XKR9: variants seen among roughly 807,000 people sequenced by gnomAD.
XKR9 encodes XK-related protein 9.
Under a neutral mutation model 32.0 loss-of-function variants are expected in XKR9, and 32 were observed. The ratio of observed to expected loss-of-function variants is 1.00; its 90% CI spans 0.76 to 1.34. XKR9 has a LOEUF of 1.34. Among genes scored for constraint, XKR9 ranks in the 40% most tolerant of loss-of-function variants. The pLI, the probability that XKR9 is intolerant of heterozygous loss-of-function variation, is 0.00. For synonymous variants in XKR9, 168 were observed against 143.4 expected (o/e 1.17, Z -1.22); for missense variants, 546 against 429.7 (o/e 1.27, Z -2.39).
chr8:70,936,024 A>G, the XKR9 span, among the ~76,000 whole-genome samples: 621 of 152,156 alleles, frequency 4.1e-3, 4 homozygotes, highest in African/African-American at 0.014. Context: ...TCTTTAGAAT[A>G]AGTTATGGGG....
At chr8:70,750,849 C>G (rs1406735532) in intron 2 of XKR9, among the ~76,000 whole-genome samples, 1 of 152,114 alleles carries the variant, frequency 6.6e-6, no homozygotes, top group African/African-American at 2.4e-5. Flanking sequence ...CCATGATGCC[C>G]AGGTAAGTGG....
chr8:70,987,430 G>T, the XKR9 span, among the ~76,000 whole-genome samples: 1,510 of 152,280 alleles, frequency 9.9e-3, 5 homozygotes, highest in Non-Finnish European at 0.016. Flanking sequence ...CAAAACAAAG[G>T]GGCTATAGAG....
the XKR9 span, among the ~76,000 whole-genome samples, chr8:71,059,668 C>T: frequency 9.2e-5 from 14 of 152,096 alleles, no homozygotes; most frequent in African/African-American, 1.9e-4. Context: ...TGTGAAGGAC[C>T]GGCTCTCTCT....
At chr8:70,854,871 A>C in the XKR9 span, among the ~76,000 whole-genome samples, 97 of 152,190 alleles carry the variant, frequency 6.4e-4, no homozygotes, top group African/African-American at 2.3e-3. Context: ...GTTCTGCTCC[A>C]TTGGTTTATA....
chr8:70,790,687 A>G (rs1322023787), downstream of XKR9, among the ~76,000 whole-genome samples: 2 of 152,092 alleles, frequency 1.3e-5, no homozygotes, highest in East Asian at 1.9e-4. Context: ...AGAGTCCCCA[A>G]AATAACCTCT....
At chr8:70,701,630 A>T (rs1197009863) in intron 3 of XKR9, among the ~76,000 whole-genome samples, 1 of 152,204 alleles carries the variant, frequency 6.6e-6, no homozygotes, top group Non-Finnish European at 1.5e-5. Flanking sequence ...GGGCCAAATT[A>T]TCCAAAGGTT....
the XKR9 span, among the ~76,000 whole-genome samples, chr8:70,807,825 C>T: frequency 6.6e-6 from 1 of 152,288 alleles, no homozygotes; most frequent in African/African-American, 2.4e-5. Flanking sequence ...GAGAATTTAA[C>T]ACCCCACTGT....
downstream of XKR9, among the ~76,000 whole-genome samples, chr8:70,737,513 G>C (rs1458690107): frequency 3.1e-5 from 4 of 127,482 alleles, no homozygotes; most frequent in Non-Finnish European, 7.0e-5. Context: ...ATGTTGAATA[G>C]GAGTGGTGAG....
At chr8:70,938,336 G>A in the XKR9 span, among the ~76,000 whole-genome samples, 1 of 151,844 alleles carries the variant, frequency 6.6e-6, no homozygotes, top group East Asian at 1.9e-4. Context: ...TCCTGCTTGG[G>A]AACAGTGAGA....
Position 70,706,940 on chromosome 8 carries a change from T to C in XKR9, c.280T>C (p.Phe94Leu). The C allele has an allele frequency of 6.2e-7, 1 of 1,611,138 alleles. No homozygotes were observed. Among genetic ancestry groups the C allele is most frequent in the Non-Finnish European group, 8.5e-7 (1 of 1,178,084 alleles). ...LQGGVFTRYW[F>L]ALKRGYHAAF... The stretch of plus-strand genomic sequence containing the variant: ...TTTATGTTTACTTTATAGGTATTGG[T>C]TTGCCTTAAAAAGGGGTTACCATGC... Residue 94 changes from phenylalanine (F) to leucine (L), a missense_variant, in exon 4 of 5, where the codon TTT becomes CTT. Physicochemically the swap from Phe to Leu is conservative, Grantham distance 22. Coordinates refer to ENST00000408926, the MANE Select transcript of XKR9 (RefSeq NM_001011720.2).
At chr8:70,771,094 AG>A (rs1807448038) in intron 2 of XKR9, among the ~76,000 whole-genome samples, 2 of 152,292 alleles carry the variant, frequency 1.3e-5, no homozygotes, top group Admixed American at 1.3e-4. Flanking sequence ...CCGTGGGAAA[AG>A]CATAGTATCT....
At chr8:70,691,101 A>G (rs1044907997) in intron 3 of XKR9, among the ~76,000 whole-genome samples, 1 of 152,182 alleles carries the variant, frequency 6.6e-6, no homozygotes, top group African/African-American at 2.4e-5. Context: ...AGTAATAGCC[A>G]TTCTGACTGG....
At chr8:70,867,199 C>A in the XKR9 span, among the ~76,000 whole-genome samples, 1 of 152,158 alleles carries the variant, frequency 6.6e-6, no homozygotes, top group African/African-American at 2.4e-5. Flanking sequence ...CTTGTGCAGG[C>A]AAACTCTGCC....
chr8:70,911,171 G>A, the XKR9 span, among the ~76,000 whole-genome samples: 1 of 152,154 alleles, frequency 6.6e-6, no homozygotes, highest in Non-Finnish European at 1.5e-5. Flanking sequence ...GGAATAACCA[G>A]GGGATGGGAA....
chr8:70,849,970 T>G, the XKR9 span, among the ~76,000 whole-genome samples: 8 of 132,382 alleles, frequency 6.0e-5, no homozygotes, highest in African/African-American at 2.2e-4. Flanking sequence ...ATTGAAGCAG[T>G]AATTAATAGC....
chr8:70,878,673 C>CA, the XKR9 span, among the ~76,000 whole-genome samples: 17 of 152,176 alleles, frequency 1.1e-4, no homozygotes, highest in Admixed American at 3.9e-4. Context: ...TAGAGACCTA[C>CA]AAAGAGGCTT....
chr8:71,034,968 C>T, the XKR9 span, among the ~76,000 whole-genome samples: 1 of 152,156 alleles, frequency 6.6e-6, no homozygotes, highest in African/African-American at 2.4e-5. Flanking sequence ...TAGCAGTTCT[C>T]AACTATTTGT....
At chr8:70,898,984 G>A in the XKR9 span, among the ~76,000 whole-genome samples, 3 of 152,128 alleles carry the variant, frequency 2.0e-5, no homozygotes, top group Admixed American at 2.0e-4. Flanking sequence ...TGCAATCATA[G>A]CTCACTGCAG....
chr8:70,720,091 C>T (rs55738144), intron 4 of XKR9, among the ~76,000 whole-genome samples: 11,062 of 152,114 alleles, frequency 0.073, 490 homozygotes, highest in Non-Finnish European at 0.089. Flanking sequence ...CATGATTGGG[C>T]TCTCTGTTTG....
Sources: gnomAD v4.1 joint callset for allele counts (sites outside exome capture counted in the v4.1 genomes callset) on GRCh38, gnomAD v4.1.1 for gene constraint, MANE v1.5 for transcripts, NCBI Gene and HGNC (gene_info 2026-07-23, HGNC 2026-07-21) for gene names.